Variants in SNTG2 observed in about 807,000 individuals in gnomAD.
SNTG2 encodes gamma-2-syntrophin.
Under a neutral mutation model 70.9 loss-of-function variants are expected in SNTG2, and 74 were observed. That is an observed-to-expected ratio of 1.04 (90% confidence interval 0.86 to 1.27). The LOEUF (loss-of-function observed/expected upper bound fraction) is 1.27, where lower values mean the gene tolerates loss of function less well. Ranked by LOEUF, SNTG2 falls within the 50% of genes most tolerant of loss-of-function variation. SNTG2 has a pLI of 0.00. For synonymous variants in SNTG2, 278 were observed against 273.8 expected, an observed-to-expected ratio of 1.02 and a Z score of -0.15; for missense variants, 717 against 690.7, an observed-to-expected ratio of 1.04 and a Z score of -0.43.
At chr2:958,363 A>G (rs1386463994) in intron 1 of SNTG2, among the ~76,000 whole-genome samples, 1 of 152,252 alleles carries the variant, frequency 6.6e-6, no homozygotes, top group Non-Finnish European at 1.5e-5. Context: ...GAACAGGTTC[A>G]TAAGTCGAGT....
intron 1 of SNTG2, among the ~76,000 whole-genome samples, chr2:1,044,276 G>A (rs1661603484): frequency 6.6e-6 from 1 of 152,118 alleles, no homozygotes; most frequent in Non-Finnish European, 1.5e-5. Flanking sequence ...CTTGGCTGAA[G>A]TTGTTTCTCA....
intron 6 of SNTG2, among the ~76,000 whole-genome samples, chr2:1,151,125 A>G (rs1669458788): frequency 6.6e-6 from 1 of 152,214 alleles, no homozygotes; most frequent in Non-Finnish European, 1.5e-5. Flanking sequence ...GTGAAAGTGC[A>G]TGATTTTGGA....
chr2:1,213,205 G>A (rs1674160222), intron 9 of SNTG2, among the ~76,000 whole-genome samples: 1 of 152,192 alleles, frequency 6.6e-6, no homozygotes, highest in Admixed American at 6.5e-5. Flanking sequence ...AACATCACAT[G>A]CTTAGCATTT....
At chr2:1,072,034 G>T (rs759035047) in intron 1 of SNTG2, among the ~76,000 whole-genome samples, 1 of 152,202 alleles carries the variant, frequency 6.6e-6, no homozygotes, top group Non-Finnish European at 1.5e-5. Flanking sequence ...AAGCCATCTT[G>T]ACAACATAAA....
At chr2:1,014,349 G>A (rs1659809362) in intron 1 of SNTG2, among the ~76,000 whole-genome samples, 1 of 85,580 alleles carries the variant, frequency 1.2e-5, no homozygotes, top group African/African-American at 4.0e-5. Flanking sequence ...AGGGTGGTCT[G>A]GAGAGGGATT....
chr2:1,313,053 A>T (rs1303086779), intron 15 of SNTG2, among the ~76,000 whole-genome samples: 16 of 152,156 alleles, frequency 1.1e-4, no homozygotes, highest in Admixed American at 1.0e-3. Context: ...ACCGTGAAGG[A>T]TTCAAGGATT....
intron 2 of SNTG2, among the ~76,000 whole-genome samples, chr2:1,084,325 C>T (rs544288160): frequency 2.6e-5 from 4 of 152,182 alleles, no homozygotes; most frequent in African/African-American, 4.8e-5. Flanking sequence ...CAAAGTATGA[C>T]GGGTTTCCCG....
chr2:1,132,229 A>ATG (rs1370596111), intron 4 of SNTG2, among the ~76,000 whole-genome samples: 5 of 115,408 alleles, frequency 4.3e-5, no homozygotes, highest in Non-Finnish European at 1.0e-4. Flanking sequence ...ATGTGTATAT[A>ATG]TGTGTGTGTA....
intron 14 of SNTG2, among the ~76,000 whole-genome samples, chr2:1,307,646 G>T (rs142801992): frequency 1.4e-4 from 21 of 152,252 alleles, no homozygotes; most frequent in African/African-American, 4.6e-4. Context: ...CATTTTACCC[G>T]CAGATTTATT....
At chr2:1,195,902 A>G (rs1053156088) in intron 8 of SNTG2, among the ~76,000 whole-genome samples, 1 of 152,160 alleles carries the variant, frequency 6.6e-6, no homozygotes, top group African/African-American at 2.4e-5. Context: ...CAGGAAAAAA[A>G]AAATAAACTC....
At chr2:1,154,108 G>A (rs1669694169) in intron 6 of SNTG2, among the ~76,000 whole-genome samples, 1 of 152,174 alleles carries the variant, frequency 6.6e-6, no homozygotes, top group Non-Finnish European at 1.5e-5. Context: ...AGCCAATGAG[G>A]AAGAGGGCAG....
At chr2:1,322,164 T>C (rs758832712) in intron 16 of SNTG2, among the ~76,000 whole-genome samples, 39 of 152,236 alleles carry the variant, frequency 2.6e-4, no homozygotes, top group Non-Finnish European at 4.4e-4. Context: ...CAAATCTTTT[T>C]TCTAAGCAGT....
chr2:1,266,657 G>A (rs1212353821), intron 13 of SNTG2, among the ~76,000 whole-genome samples: 3 of 151,848 alleles, frequency 2.0e-5, no homozygotes, highest in Non-Finnish European at 2.9e-5. Flanking sequence ...GGAGGCGCAG[G>A]GGGCACGCTT....
chr2:1,279,077 GACCCCTCTGTCAGTGCGCGA>G (rs1679407030), intron 14 of SNTG2, among the ~76,000 whole-genome samples: 2 of 72,468 alleles, frequency 2.8e-5, no homozygotes, highest in East Asian at 1.9e-3. Flanking sequence ...GTGCGCGAAT[GACCCCTCTGTCAGTGCGCGA>G]ATCACCCCTG....
intron 1 of SNTG2, among the ~76,000 whole-genome samples, chr2:1,005,586 C>T (rs7593326): frequency 0.16 from 23,529 of 151,066 alleles, 1,950 homozygotes; most frequent in Middle Eastern, 0.23. Flanking sequence ...GGTGGATCGC[C>T]TGAGGTCAGG....
At chr2:1,220,886 C>A (rs1674713729) in intron 9 of SNTG2, among the ~76,000 whole-genome samples, 1 of 152,206 alleles carries the variant, frequency 6.6e-6, no homozygotes, top group South Asian at 2.1e-4. Context: ...GTAGGTGAAT[C>A]AGGGTGGACC....
Position 1,122,299 on chromosome 2 carries a change from A to C in SNTG2, c.326-15323A>C, listed in dbSNP as rs1009547155. Among the ~76,000 whole-genome samples, 4 of 152,230 alleles carry C rather than the reference A, an allele frequency of 2.6e-5. No homozygotes were observed. In the East Asian group the frequency reaches 7.7e-4, roughly 29 times the overall value. On this transcript the variant is annotated intron_variant, in intron 4 of 16. Transcript: ENST00000308624. ...GACACCTAAGCTGAACAAAGATGTCACTAACAATGAAAACTACAGGCCAAT... is the reference window on the plus strand; with the variant it reads ...GACACCTAAGCTGAACAAAGATGTCCCTAACAATGAAAACTACAGGCCAAT...
At chr2:1,004,281 A>T (rs2147990669) in intron 1 of SNTG2, among the ~76,000 whole-genome samples, 1 of 152,352 alleles carries the variant, frequency 6.6e-6, no homozygotes, top group East Asian at 1.9e-4. Context: ...TATGATGATG[A>T]CTTTTGATAT....
chr2:1,194,836 C>A (rs1161573000), intron 8 of SNTG2, among the ~76,000 whole-genome samples: 1 of 152,098 alleles, frequency 6.6e-6, no homozygotes. Flanking sequence ...CATCAACCTG[C>A]CATCTACGTT....
Sources: allele counts gnomAD v4.1 joint callset (sites outside exome capture counted in the v4.1 genomes callset), GRCh38; gene constraint gnomAD v4.1.1; transcripts MANE v1.5; gene names NCBI Gene and HGNC (gene_info 2026-07-23, HGNC 2026-07-21).